Variants in NKTR observed in about 807,000 individuals in gnomAD.
NKTR encodes natural killer cell triggering receptor, also known as NK-tumor recognition protein.
In NKTR, 67 loss-of-function variants were observed where a neutral mutation model predicts 156.3. That is an observed-to-expected ratio of 0.43 (90% confidence interval 0.35 to 0.53). NKTR has a LOEUF of 0.53. Among genes scored for constraint, NKTR ranks in the 20% least tolerant of loss-of-function variants. NKTR has a pLI of 0.01. For missense variants in NKTR, 1,604 were observed against 1,730.9 expected (o/e 0.93, Z 1.30); for synonymous variants, 640 against 596.6 (o/e 1.07, Z -1.06).
rs749870247 is a variant in NKTR, at chr3:42,645,980, G to A, written c.*5G>A. The stretch of plus-strand genomic sequence containing the variant: ...GAGAGCAGCAGATACAGTTGAAAAC[G>A]TCCGGATACAAATTATATCTTATTT... On this transcript the variant is annotated 3_prime_UTR_variant, in exon 17 of 17. Coordinates refer to ENST00000232978, the MANE Select transcript of NKTR (RefSeq NM_005385.4). 10 of 1,602,574 alleles carry A rather than the reference G, an allele frequency of 6.2e-6. No homozygotes were observed. The highest frequency in any genetic ancestry group is 3.3e-5 in the Admixed American group (2 of 59,792).
At chr3:42,616,794 T>G (rs1707411859) in intron 2 of NKTR, among the ~76,000 whole-genome samples, 1 of 152,136 alleles carries the variant, frequency 6.6e-6, no homozygotes, top group Admixed American at 6.6e-5. Context: ...TAGGCTAGAG[T>G]GCAGTGGCAC....
chr3:42,603,036 A>AAAAAAG, intron 2 of NKTR: 1 of 152,716 alleles, frequency 6.5e-6, no homozygotes, highest in South Asian at 2.1e-4. Flanking sequence ...AAAAAAAAAA[A>AAAAAAG]AAAAGAAAAG....
intron 5 of NKTR, chr3:42,621,142 A>T (rs936652207): frequency 5.0e-6 from 5 of 1,008,580 alleles, no homozygotes; most frequent in African/African-American, 1.7e-5. Flanking sequence ...TAATAATTTA[A>T]ATATCATTTA....
Position 42,638,286 on chromosome 3 carries a change from T to G in NKTR, c.2582T>G (p.Leu861Trp), listed in dbSNP as rs972297397. ...TGCCCTCATTCAAAAAAAAGAACTT[T>G]GAAAGAGAATCTTTCTGATCACCTT... ...RECPHSKKRT[L>W]KENLSDHLRN... The change falls in exon 13 of 17, where the codon TTG becomes TGG. Residue 861 changes from leucine to tryptophan, a missense_variant. Physicochemically the swap from Leu to Trp is moderately conservative, Grantham distance 61. Coordinates refer to ENST00000232978, the MANE Select transcript of NKTR (RefSeq NM_005385.4). 3 of 1,606,134 alleles carry G rather than the reference T, an allele frequency of 1.9e-6. No individual in the cohort carries two copies. The Admixed American group carries it at 5.2e-5, about 28-fold the overall frequency.
At chr3:42,601,186 C>T in intron 2 of NKTR, 122 bp downstream of exon 2, 2 of 732,302 alleles carry the variant, frequency 2.7e-6, no homozygotes, top group Non-Finnish European at 4.2e-6. Context: ...AGGCAACTTT[C>T]CGTTTTCTCT....
At chr3:42,645,304 C>T (rs1231980046) in intron 16 of NKTR, among the ~76,000 whole-genome samples, 1 of 152,180 alleles carries the variant, frequency 6.6e-6, no homozygotes, top group Non-Finnish European at 1.5e-5. Context: ...GAATGAATTT[C>T]ACACAAATTT....
intron 6 of NKTR, among the ~76,000 whole-genome samples, chr3:42,622,547 T>C (rs962232553): frequency 2.6e-5 from 4 of 152,064 alleles, no homozygotes; most frequent in Admixed American, 2.6e-4. Context: ...TTCTACATGA[T>C]CTGATAAAGT....
At chr3:42,623,496 T>C (rs544566794) in intron 6 of NKTR, among the ~76,000 whole-genome samples, 2 of 152,072 alleles carry the variant, frequency 1.3e-5, no homozygotes, top group Non-Finnish European at 2.9e-5. Context: ...TTCTCAAGAG[T>C]TGCAGGATAA....
In NKTR at chr3:42,632,671, T is replaced by C. The variant is rs777685065; in HGVS notation, c.621T>C (p.Ser207=). Residue 207 remains serine, a synonymous_variant, in exon 9 of 17, where the codon TCT becomes TCC. Coordinates refer to ENST00000232978, the MANE Select transcript of NKTR (RefSeq NM_005385.4). ...GSDSSSNSSS[S]SESSSESELE... ...ATTCCTCTTCCAATTCCTCCTCTTC[T>C]TCAGAATCATCTTCAGAAAGTGAAC... 5.6e-6 allele frequency: 9 copies of C among 1,613,990 alleles called. No homozygotes were observed. In the East Asian group the frequency reaches 2.0e-4, roughly 36 times the overall value.
At chr3:42,618,462 C>T (rs68071013) in intron 3 of NKTR, among the ~76,000 whole-genome samples, 26,275 of 151,724 alleles carry the variant, frequency 0.17, 2,792 homozygotes, top group African/African-American at 0.3. Flanking sequence ...TTATTTGGGA[C>T]GGAGTCTGAC....
At chr3:42,630,122 CACTT>C (rs1708754896) in intron 6 of NKTR, 1 of 991,140 alleles carries the variant, frequency 1.0e-6, no homozygotes, top group African/African-American at 1.7e-5. Flanking sequence ...AAATGTTAAT[CACTT>C]TCTTTCCATA....
rs376445889 is a variant in NKTR, at chr3:42,633,708, T to C, written c.902T>C (p.Met301Thr). 14 of 1,613,950 alleles carry C rather than the reference T, an allele frequency of 8.7e-6. No individual in the cohort carries two copies. The African/African-American group carries it at 9.3e-5, about 11-fold the overall frequency. Residue 301 changes from methionine (M) to threonine (T), a missense_variant, in exon 10 of 17, where the codon ATG becomes ACG. Coordinates refer to ENST00000232978, the MANE Select transcript of NKTR (RefSeq NM_005385.4). Reference sequence around the variant, plus strand: ...AACCGATTTTTACTGAGAAGAGATATGCCTGTTGTTACTGCAGAACCTGAA... The same window carrying C: ...AACCGATTTTTACTGAGAAGAGATACGCCTGTTGTTACTGCAGAACCTGAA... The part of the protein sequence containing the change: ...PENRFLLRRD[M>T]PVVTAEPEPK...
At position 42,637,211 on chromosome 3, in the gene NKTR, T is replaced by A; in HGVS notation, c.1507T>A (p.Ser503Thr). 6.2e-7 allele frequency: 1 copy of A among 1,611,956 alleles called. No individual in the cohort carries two copies. Among genetic ancestry groups the A allele is most frequent in the Non-Finnish European group, 8.5e-7 (1 of 1,179,426 alleles). ...HHSSKRDWSK[S>T]DKDVQSSLTH... ...CTCATCAAAGAGAGACTGGTCTAAA[T>A]CTGATAAGGATGTCCAGAGCTCTTT... Residue 503 changes from serine to threonine, a missense_variant, in exon 13 of 17, where the codon TCT (serine) becomes ACT (threonine). Coordinates refer to ENST00000232978, the MANE Select transcript of NKTR (RefSeq NM_005385.4).
intron 6 of NKTR, among the ~76,000 whole-genome samples, chr3:42,622,741 A>G (rs763467656): frequency 6.6e-6 from 1 of 152,046 alleles, no homozygotes; most frequent in African/African-American, 2.4e-5. Context: ...TTAAGAGCCA[A>G]TACAGAGTAG....
At chr3:42,628,534 CTT>C in intron 6 of NKTR, 1 of 985,362 alleles carries the variant, frequency 1.0e-6, no homozygotes, top group Non-Finnish European at 1.2e-6. Flanking sequence ...GAATTGGGCT[CTT>C]TATGTTTTAA....
chr3:42,634,483 C>T (rs1296273487), intron 10 of NKTR, 130 bp from the exon 11 acceptor site: 1 of 523,470 alleles, frequency 1.9e-6, no homozygotes. Context: ...CTGATATTGT[C>T]TTGTTTTAAA....
intron 8 of NKTR, among the ~76,000 whole-genome samples, chr3:42,632,375 T>C (rs537558406): frequency 1.3e-5 from 2 of 152,120 alleles, no homozygotes; most frequent in Non-Finnish European, 2.9e-5. Context: ...CGGGCCTATT[T>C]CTTGTTACTT....
rs755318621 is a variant in NKTR, at chr3:42,632,796, G to T, written c.746G>T (p.Arg249Met). The change falls in exon 9 of 17, where the codon AGG becomes ATG. Residue 249 changes from arginine to methionine, a missense_variant. This residue lies in a region of NKTR where 1,255 missense variants were observed against 1,243.7 expected (regional missense o/e 1.01). Transcript: ENST00000232978. Reference protein sequence around the residue: ...RKEASSSEEPRNKHAMNPKGH... With the variant: ...RKEASSSEEPMNKHAMNPKGH... ...GAAGCAAGCAGTTCAGAAGAGCCAAGGAATAAACATGCAATGAACCCAAAA... is the reference window on the plus strand; with the variant it reads ...GAAGCAAGCAGTTCAGAAGAGCCAATGAATAAACATGCAATGAACCCAAAA... 2 of 1,601,840 alleles carry T rather than the reference G, an allele frequency of 1.2e-6. No homozygotes were observed. The highest frequency in any genetic ancestry group is 2.3e-5 in the South Asian group (2 of 88,114).
rs762930949 is a variant in NKTR, at chr3:42,639,487, C to T, written c.3783C>T (p.Gly1261=). The T allele has an allele frequency of 1.9e-6, 3 of 1,614,172 alleles. No individual in the cohort carries two copies. Among genetic ancestry groups the T allele is most frequent in the Non-Finnish European group, 2.5e-6 (3 of 1,180,022 alleles). ...LTTVPEMKPQ[G]LRIEIKSKNK... is the part of the protein sequence containing the mutation. ...CTGTGCCTGAAATGAAACCACAAGG[C>T]TTGAGAATAGAAATTAAAAGCAAAA... Residue 1261 remains glycine, a synonymous_variant, in exon 13 of 17, where the codon GGC becomes GGT. Transcript: ENST00000232978.
Sources: gnomAD v4.1 joint callset for allele counts (sites outside exome capture counted in the v4.1 genomes callset) on GRCh38, gnomAD v4.1.1 for gene constraint, gnomAD v4.1.1 regional missense constraint, MANE v1.5 for transcripts, NCBI Gene and HGNC (gene_info 2026-07-23, HGNC 2026-07-21) for gene names.